Variants in FRMPD4 observed in about 807,000 individuals in gnomAD.
FRMPD4 encodes FERM and PDZ domain-containing protein 4.
In FRMPD4, 22 loss-of-function variants were observed where a neutral mutation model predicts 94.1. The observed-to-expected ratio is 0.23, with a 90% CI of 0.17 to 0.33. The LOEUF (loss-of-function observed/expected upper bound fraction) is 0.33. Ranked by LOEUF, FRMPD4 falls within the 10% of genes least tolerant of loss-of-function variation. FRMPD4 has a pLI of 1.00. For synonymous variants in FRMPD4, 631 were observed against 548.6 expected, an observed-to-expected ratio of 1.15 and a Z score of -2.10; for missense variants, 1,111 against 1,339.9, an observed-to-expected ratio of 0.83 and a Z score of 2.67.
At chrX:12,423,238 A>AAAAT (rs35361195) in intron 1 of FRMPD4, among the ~76,000 whole-genome samples, 18,600 of 107,938 alleles carry the variant, frequency 0.17, 1,420 homozygotes, top group South Asian at 0.26. Context: ...GACGCCGTCT[A>AAAAT]AAATAAATAA....
At chrX:12,391,729 C>T (rs1175554286) in intron 1 of FRMPD4, among the ~76,000 whole-genome samples, 2 of 111,166 alleles carry the variant, frequency 1.8e-5, no homozygotes, top group African/African-American at 6.6e-5. Context: ...AGGTGAGCTC[C>T]TCAGGGTTGA....
chrX:12,298,256 T>C (rs1329008438), intron 1 of FRMPD4, among the ~76,000 whole-genome samples: 1 of 112,429 alleles, frequency 8.9e-6, no homozygotes, highest in Non-Finnish European at 1.9e-5. Context: ...ATAAGTGTGC[T>C]GTGGAGCTAC....
chrX:11,969,342 TCA>T lies in FRMPD4; in HGVS notation c.95+91327_95+91328del, dbSNP rs1414508922. On this transcript the variant is annotated intron_variant, in intron 3 of 18. Coordinates refer to the FRMPD4 transcript ENST00000640291. ...TAGGTCAAGTTGCTGAATTTACTAG[TCA>T]CAAATTCTGCTGTGGAGGAGTGTAC... is the stretch of plus-strand genomic sequence containing the variant. 3.6e-5 allele frequency among the ~76,000 whole-genome samples: 4 copies of T among 112,364 alleles called. No homozygotes were observed. The East Asian group carries it at 1.1e-3, about 31-fold the overall frequency.
chrX:12,665,109 T>G (rs756992991), intron 4 of FRMPD4, among the ~76,000 whole-genome samples: 3 of 110,849 alleles, frequency 2.7e-5, no homozygotes, highest in Non-Finnish European at 5.7e-5. Context: ...TCTTTATTAG[T>G]CTGGCCAGCA....
intron 4 of FRMPD4, among the ~76,000 whole-genome samples, chrX:12,627,803 C>T (rs768067571): frequency 9.0e-6 from 1 of 111,613 alleles, no homozygotes; most frequent in African/African-American, 3.3e-5. Flanking sequence ...TAAATTAGGG[C>T]ATGTTTTCAA....
intron 1 of FRMPD4, among the ~76,000 whole-genome samples, chrX:12,284,746 G>A (rs2054575595): frequency 8.9e-6 from 1 of 111,814 alleles, no homozygotes; most frequent in African/African-American, 3.3e-5. Flanking sequence ...GTTACATTTT[G>A]TCTCGCTGAA....
At chrX:12,453,533 A>G (rs2057297417) in intron 1 of FRMPD4, among the ~76,000 whole-genome samples, 1 of 111,927 alleles carries the variant, frequency 8.9e-6, no homozygotes, top group Non-Finnish European at 1.9e-5. Context: ...TGGTGGCAAT[A>G]AGGTCATCGT....
rs747947837 is a variant in FRMPD4 at position 12,460,982 on chromosome X, T to C, written c.42-37698T>C. 6.2e-5 allele frequency among the ~76,000 whole-genome samples: 7 copies of C among 112,204 alleles called. No individual in the cohort carries two copies. The East Asian group carries it at 1.9e-3, about 31-fold the overall frequency. On this transcript the variant is annotated intron_variant, in intron 1 of 16. Transcript: ENST00000675598. Reference sequence around the variant, plus strand: ...TCCTTTATTTCCATTGGGTCCTTCATATTGTTTGTGTATGAAAATACTCTC... The same window carrying C: ...TCCTTTATTTCCATTGGGTCCTTCACATTGTTTGTGTATGAAAATACTCTC...
intron 3 of FRMPD4, among the ~76,000 whole-genome samples, chrX:12,029,019 A>G (rs915203467): frequency 4.5e-5 from 5 of 112,267 alleles, no homozygotes; most frequent in African/African-American, 1.3e-4. Flanking sequence ...GTTTGATTGT[A>G]TGGTAAGAGT....
intron 4 of FRMPD4, among the ~76,000 whole-genome samples, chrX:12,640,955 G>A (rs1195762573): frequency 9.0e-6 from 1 of 111,528 alleles, no homozygotes; most frequent in African/African-American, 3.3e-5. Flanking sequence ...GGCTGAGGTG[G>A]GAGGATCACT....
intron 4 of FRMPD4, among the ~76,000 whole-genome samples, chrX:12,615,156 A>C (rs1602212681): frequency 8.9e-6 from 1 of 112,314 alleles, no homozygotes; most frequent in Admixed American, 9.4e-5. Flanking sequence ...CCAAAGGTTC[A>C]TTTTTTCCTT....
intron 3 of FRMPD4, among the ~76,000 whole-genome samples, chrX:12,129,543 G>A (rs187562617): frequency 1.1e-4 from 12 of 111,273 alleles, no homozygotes; most frequent in Admixed American, 4.7e-4. Context: ...CTCCTTCTTC[G>A]GGAGATTTCT....
intron 8 of FRMPD4, among the ~76,000 whole-genome samples, chrX:12,691,793 G>A (rs747136400): frequency 3.6e-5 from 4 of 110,576 alleles, no homozygotes; most frequent in Non-Finnish European, 7.6e-5. Flanking sequence ...TCCTACCGGA[G>A]AGCACTGGGA....
rs748526247 is a variant in FRMPD4, at chrX:12,185,264, A to G, written c.41+46252A>G. Reference sequence around the variant, plus strand: ...ACTCCTCAGCTCCGACTTTAAAAGGATTCATTCACGTCTTAAAATAAATAG... The same window carrying G: ...ACTCCTCAGCTCCGACTTTAAAAGGGTTCATTCACGTCTTAAAATAAATAG... On this transcript the variant is annotated intron_variant, in intron 1 of 16. Transcript: ENST00000675598. 4.2e-3 allele frequency among the ~76,000 whole-genome samples: 471 copies of G among 112,056 alleles called. 2 individuals are homozygous for G. Among genetic ancestry groups the G allele is most frequent in the Non-Finnish European group, 6.6e-3 (353 of 53,099 alleles).
intron 3 of FRMPD4, among the ~76,000 whole-genome samples, chrX:12,030,302 C>A (rs534990218): frequency 1.8e-5 from 2 of 112,122 alleles, no homozygotes; most frequent in South Asian, 7.5e-4. Flanking sequence ...AGCATTAACA[C>A]CCCACAGTAA....
At chrX:12,585,036 G>C (rs188597803) in intron 2 of FRMPD4, among the ~76,000 whole-genome samples, 1 of 111,029 alleles carries the variant, frequency 9.0e-6, no homozygotes, top group East Asian at 2.8e-4. Context: ...TTCTGCTTCA[G>C]CCTCCCCAGT....
intron 1 of FRMPD4, among the ~76,000 whole-genome samples, chrX:12,214,618 T>C (rs762858905): frequency 4.4e-4 from 49 of 112,624 alleles, no homozygotes; most frequent in African/African-American, 1.5e-3. Context: ...TTTCTCCACC[T>C]TTTAGTAGAG....
intron 1 of FRMPD4, among the ~76,000 whole-genome samples, chrX:12,369,015 T>G (rs1174474466): frequency 9.0e-6 from 1 of 111,189 alleles, no homozygotes; most frequent in East Asian, 2.8e-4. Context: ...TCCCCTTTCC[T>G]CTGCCCCGCC....
chrX:11,994,148 T>C (rs2054482693), intron 3 of FRMPD4, among the ~76,000 whole-genome samples: 1 of 110,530 alleles, frequency 9.0e-6, no homozygotes, highest in African/African-American at 3.3e-5. Flanking sequence ...AATTGGCATC[T>C]AGTGGGTAGA....
Sources: gnomAD v4.1 joint callset for allele counts (sites outside exome capture counted in the v4.1 genomes callset) on GRCh38, gnomAD v4.1.1 for gene constraint, MANE v1.5 for transcripts, NCBI Gene and HGNC (gene_info 2026-07-23, HGNC 2026-07-21) for gene names.